Variants in SHLD1 observed in about 807,000 individuals in gnomAD.
SHLD1 encodes the protein RINN1-REV7-interacting novel NHEJ regulator 3.
In SHLD1, 3 loss-of-function variants were observed where a neutral mutation model predicts 5.5. The observed-to-expected ratio is 0.54, with a 90% CI of 0.25 to 1.40. SHLD1 has a LOEUF of 1.40. SHLD1 is among the 40% of genes most tolerant of loss of function. The pLI, the probability that SHLD1 is intolerant of heterozygous loss-of-function variation, is 0.15. For synonymous variants in SHLD1, 92 were observed against 94.3 expected, an observed-to-expected ratio of 0.98 and a Z score of 0.14; for missense variants, 210 against 244.4, an observed-to-expected ratio of 0.86 and a Z score of 0.94.
chr20:5,767,887 G>A (rs937527973), intron 1 of SHLD1, among the ~76,000 whole-genome samples: 1 of 152,206 alleles, frequency 6.6e-6, no homozygotes, highest in East Asian at 1.9e-4. Flanking sequence ...CCTTCCCAGA[G>A]CTGGCTACAG....
chr20:5,805,040 T>A (rs572842732), intron 2 of SHLD1, among the ~76,000 whole-genome samples: 75 of 152,326 alleles, frequency 4.9e-4, no homozygotes, highest in Middle Eastern at 6.8e-3. Context: ...AGGAGAATAA[T>A]ACTATCTTGG....
At chr20:5,843,349 T>C (rs1306472835) in intron 2 of SHLD1, among the ~76,000 whole-genome samples, 2 of 151,946 alleles carry the variant, frequency 1.3e-5, no homozygotes, top group African/African-American at 4.8e-5. Context: ...GGGGCAGATA[T>C]TTCTTTTTTT....
chr20:5,807,912 T>C lies in SHLD1; in HGVS notation c.178+34869T>C, dbSNP rs1236272097. Reference sequence around the variant, plus strand: ...TGACACTTGTGATAAGGTTAGCCTATTTTTAATGATAAAGCACTAATCATC... The same window carrying C: ...TGACACTTGTGATAAGGTTAGCCTACTTTTAATGATAAAGCACTAATCATC... On this transcript the variant is annotated intron_variant, in intron 2 of 2. Transcript: ENST00000303142. Among the ~76,000 whole-genome samples, 3 of 152,200 alleles carry C rather than the reference T, an allele frequency of 2.0e-5. No homozygotes were observed. The East Asian group carries it at 5.8e-4, about 29-fold the overall frequency.
At chr20:5,756,861 C>A (rs1984143987) in intron 1 of SHLD1, 2 of 206,616 alleles carry the variant, frequency 9.7e-6, no homozygotes, top group African/African-American at 2.4e-5. Context: ...AAGATCATAT[C>A]TGCTAATAGA....
chr20:5,855,894 T>C lies in SHLD1; in HGVS notation c.179-7130T>C, dbSNP rs1368952115. ...GGCCATATGACTTCACGTTAGCCAGTGAAATATGAACAGAAGTAATAGAGC... is the reference window on the plus strand; with the variant it reads ...GGCCATATGACTTCACGTTAGCCAGCGAAATATGAACAGAAGTAATAGAGC... On this transcript the variant is annotated intron_variant, in intron 2 of 2. Transcript: ENST00000303142. The surrounding 1 kb of genome is among the most constrained non-coding windows in gnomAD (Gnocchi z 4.4). 2.0e-5 allele frequency among the ~76,000 whole-genome samples: 3 copies of C among 152,172 alleles called. No individual in the cohort carries two copies. Among genetic ancestry groups the C allele is most frequent in the Non-Finnish European group, 4.4e-5 (3 of 68,032 alleles).
intron 2 of SHLD1, among the ~76,000 whole-genome samples, chr20:5,837,138 C>T (rs959605903): frequency 1.3e-5 from 2 of 152,090 alleles, no homozygotes; most frequent in Non-Finnish European, 2.9e-5. Context: ...TCCTGAGGAG[C>T]TATCGCAACA....
chr20:5,861,944 G>A (rs1030885947), intron 2 of SHLD1, among the ~76,000 whole-genome samples: 16 of 152,180 alleles, frequency 1.1e-4, no homozygotes, highest in African/African-American at 3.4e-4. Context: ...CTTCTGGTGA[G>A]GGCTCCTTTC....
Position 5,775,979 on chromosome 20 carries a change from G to C in SHLD1, c.178+2936G>C, listed in dbSNP as rs1985410430. Among the ~76,000 whole-genome samples, 3 of 132,836 alleles carry C rather than the reference G, an allele frequency of 2.3e-5. No individual in the cohort carries two copies. The Admixed American group carries it at 2.6e-4, about 11-fold the overall frequency. The allele number at this position is 132,836 out of a possible 152,430, so 87.1% of individuals were successfully genotyped here. On this transcript the variant is annotated intron_variant, in intron 2 of 2. Transcript: ENST00000303142. ...GTCTCGCTCTGTCACCCAGGCTAGAGCACAGTGGCGTGATCTTGGCTCACT... is the reference window on the plus strand; with the variant it reads ...GTCTCGCTCTGTCACCCAGGCTAGACCACAGTGGCGTGATCTTGGCTCACT...
chr20:5,754,939 C>A lies in SHLD1; in HGVS notation c.-5+4460C>A, dbSNP rs185722253. On this transcript the variant is annotated intron_variant, in intron 1 of 2. Transcript: ENST00000303142. Reference sequence around the variant, plus strand: ...GGCGTGGTGGCACATGCCTGTAATTCCAGCTACTCGGGAGGCTGAGGCAGG... The same window carrying A: ...GGCGTGGTGGCACATGCCTGTAATTACAGCTACTCGGGAGGCTGAGGCAGG... Among the ~76,000 whole-genome samples the A allele has an allele frequency of 4.6e-5, 7 of 152,210 alleles. No individual in the cohort carries two copies. In the South Asian group the frequency reaches 8.3e-4, roughly 18 times the overall value.
At chr20:5,764,512 A>G (rs1187698774) in intron 1 of SHLD1, among the ~76,000 whole-genome samples, 3 of 133,798 alleles carry the variant, frequency 2.2e-5, no homozygotes, top group African/African-American at 8.8e-5. Flanking sequence ...TGGGCAATAT[A>G]GTGAGACCTT....
intron 2 of SHLD1, among the ~76,000 whole-genome samples, chr20:5,804,547 C>T (rs1217931892): frequency 6.6e-6 from 1 of 152,100 alleles, no homozygotes; most frequent in Admixed American, 6.5e-5. Flanking sequence ...TGATATGTGA[C>T]CGTACAAGAA....
chr20:5,796,463 A>G (rs1003510200), intron 2 of SHLD1, among the ~76,000 whole-genome samples: 1 of 152,056 alleles, frequency 6.6e-6, no homozygotes, highest in African/African-American at 2.4e-5. Flanking sequence ...CCATTGCTTT[A>G]TCTCTTTTTT....
rs1419740155 is a variant in SHLD1 at position 5,863,639 on chromosome 20, A to G, written c.*176A>G. The G allele has an allele frequency of 1.6e-6, 1 of 615,842 alleles. No homozygotes were observed. The highest frequency in any genetic ancestry group is 1.9e-5 in the African/African-American group (1 of 53,732). 38.1% of individuals were successfully genotyped at this position (615,842 alleles called of 1,614,324 possible). A position where few individuals can be genotyped will look rare whatever the true frequency, so the allele number is the denominator to read the frequency against. On this transcript the variant is annotated 3_prime_UTR_variant, in exon 3 of 3. Coordinates refer to ENST00000303142, the MANE Select transcript of SHLD1 (RefSeq NM_152504.4). ...CTGGTATTGGAGCCAGTCAGCCCAT[A>G]TGGAGAGCCAGCAGGGTCTGGGAGT...
At chr20:5,764,969 C>T (rs901499690) in intron 1 of SHLD1, 1 of 152,164 alleles carries the variant, frequency 6.6e-6, no homozygotes, top group African/African-American at 2.4e-5. Flanking sequence ...ATGGCTGTCT[C>T]CTCCTGGTAA....
chr20:5,862,182 C>T (rs1338219909), intron 2 of SHLD1, among the ~76,000 whole-genome samples: 3 of 152,190 alleles, frequency 2.0e-5, no homozygotes, highest in Non-Finnish European at 2.9e-5. Flanking sequence ...GAATTTTTTG[C>T]GGACACAATT....
At chr20:5,764,174 A>T (rs1212315641) in intron 1 of SHLD1, among the ~76,000 whole-genome samples, 14 of 99,480 alleles carry the variant, frequency 1.4e-4, no homozygotes, top group South Asian at 1.4e-3. Context: ...ATATATATAT[A>T]TTTTTATATA....
rs1405241327 is a variant in SHLD1 at position 5,855,672 on chromosome 20, T to G, written c.179-7352T>G. ...TAGACATGAGCCGCCGCACCTGGCC[T>G]GCCAACCACATTTTATTTATCCATT... On this transcript the variant is annotated intron_variant, in intron 2 of 2. Coordinates refer to ENST00000303142, the MANE Select transcript of SHLD1 (RefSeq NM_152504.4). This position sits in a 1 kb window ranked among gnomAD's most constrained non-coding sequence, Gnocchi z 4.4. 6.6e-6 allele frequency among the ~76,000 whole-genome samples: 1 copy of G among 152,240 alleles called. No individual in the cohort carries two copies. Among genetic ancestry groups the G allele is most frequent in the Non-Finnish European group, 1.5e-5 (1 of 68,040 alleles).
chr20:5,815,735 C>T (rs1444192293), intron 2 of SHLD1, among the ~76,000 whole-genome samples: 1 of 152,138 alleles, frequency 6.6e-6, no homozygotes. Flanking sequence ...TTTATTGGAT[C>T]CTATAGCCTC....
chr20:5,859,724 C>T (rs7271920), intron 2 of SHLD1, among the ~76,000 whole-genome samples: 15,182 of 152,236 alleles, frequency 0.1, 793 homozygotes, highest in Non-Finnish European at 0.11. Flanking sequence ...AAATGGACTG[C>T]AGGCAGCATT....
Sources: gnomAD v4.1 joint callset for allele counts (sites outside exome capture counted in the v4.1 genomes callset) on GRCh38, gnomAD v4.1.1 for gene constraint, Gnocchi (gnomAD v3.1) non-coding constraint, MANE v1.5 for transcripts, NCBI Gene and HGNC (gene_info 2026-07-23, HGNC 2026-07-21) for gene names.